Variants in SP100 observed in about 807,000 individuals in gnomAD.
SP100 encodes nuclear autoantigen Sp-100.
In SP100, 84 loss-of-function variants were observed where a neutral mutation model predicts 130.0. The ratio of observed to expected loss-of-function variants is 0.65; its 90% CI spans 0.54 to 0.77. The LOEUF (loss-of-function observed/expected upper bound fraction) is 0.77. Among genes scored for constraint, SP100 ranks in the 30% least tolerant of loss-of-function variants. The pLI is 0.00. For missense variants in SP100, 978 were observed against 1,052.2 expected (o/e 0.93, Z 0.97); for synonymous variants, 331 against 351.7 (o/e 0.94, Z 0.66).
At chr2:230,423,472 C>A (rs1008747410) in intron 2 of SP100, among the ~76,000 whole-genome samples, 1 of 151,864 alleles carries the variant, frequency 6.6e-6, no homozygotes, top group African/African-American at 2.4e-5. Context: ...CTCTTATTTT[C>A]TGTTTGAGAT....
intron 24 of SP100, among the ~76,000 whole-genome samples, chr2:230,521,832 C>T (rs1162866366): frequency 1.3e-5 from 2 of 152,190 alleles, no homozygotes; most frequent in Non-Finnish European, 2.9e-5. Flanking sequence ...AAACCACATT[C>T]CTGATTGCCT....
chr2:230,476,194 G>A (rs1017920060), intron 17 of SP100, among the ~76,000 whole-genome samples: 1 of 152,084 alleles, frequency 6.6e-6, no homozygotes, highest in Admixed American at 6.5e-5. Flanking sequence ...CTATTTATTT[G>A]TGCTATCTCT....
At chr2:230,540,268 G>A (rs1052238423) in intron 25 of SP100, among the ~76,000 whole-genome samples, 1 of 152,184 alleles carries the variant, frequency 6.6e-6, no homozygotes, top group Non-Finnish European at 1.5e-5. Flanking sequence ...CATTGTGCTT[G>A]CCTGATTATC....
At chr2:230,530,489 C>G (rs746320553) in intron 24 of SP100, among the ~76,000 whole-genome samples, 1 of 152,154 alleles carries the variant, frequency 6.6e-6, no homozygotes, top group Non-Finnish European at 1.5e-5. Context: ...AGAAGAAAAC[C>G]TAGGCAATAC....
chr2:230,421,788 C>A (rs11682084), intron 2 of SP100, among the ~76,000 whole-genome samples: 39,923 of 151,856 alleles, frequency 0.26, 5,446 homozygotes, highest in Non-Finnish European at 0.29. Flanking sequence ...TCTCTTTGAT[C>A]CCTTGATTCT....
chr2:230,438,130 T>G (rs1396349248), intron 2 of SP100, among the ~76,000 whole-genome samples: 1 of 152,168 alleles, frequency 6.6e-6, no homozygotes, highest in East Asian at 1.9e-4. Context: ...TTTTCTTAGT[T>G]GTGTCTTTAG....
chr2:230,435,004 T>C (rs1178498357), intron 2 of SP100, among the ~76,000 whole-genome samples: 1 of 152,196 alleles, frequency 6.6e-6, no homozygotes, highest in African/African-American at 2.4e-5. Context: ...GATGTTGTCT[T>C]TTTATTTCTA....
At chr2:230,506,470 A>G in intron 22 of SP100, 25 bp downstream of exon 22, 1 of 1,611,182 alleles carries the variant, frequency 6.2e-7, no homozygotes, top group Non-Finnish European at 8.5e-7. Context: ...GATGGCTGAA[A>G]CCAAGGATTT....
intron 18 of SP100, among the ~76,000 whole-genome samples, chr2:230,494,942 A>G (rs1275574761): frequency 6.6e-6 from 1 of 152,180 alleles, no homozygotes; most frequent in Admixed American, 6.5e-5. Flanking sequence ...ATTCTTATGG[A>G]AGAAGGAATG....
At chr2:230,522,780 C>T (rs1691237990) in intron 24 of SP100, among the ~76,000 whole-genome samples, 1 of 151,186 alleles carries the variant, frequency 6.6e-6, no homozygotes, top group African/African-American at 2.4e-5. Flanking sequence ...GAGCCACTGG[C>T]ACCCAGCCCC....
Position 230,438,704 on chromosome 2 carries a change from G to A in SP100, c.108-4233G>A, listed in dbSNP as rs188915342. ...ACACACACATATGGTATATATATATGTGTATACATGTATATGTGTATATAT... is the reference window on the plus strand; with the variant it reads ...ACACACACATATGGTATATATATATATGTATACATGTATATGTGTATATAT... On this transcript the variant is annotated intron_variant, in intron 2 of 28. Coordinates refer to ENST00000340126, the MANE Select transcript of SP100 (RefSeq NM_001080391.2). Among the ~76,000 whole-genome samples the A allele has an allele frequency of 9.0e-3, 1,330 of 148,274 alleles. 23 individuals carry two copies. The highest frequency in any genetic ancestry group is 0.032 in the African/African-American group (1,272 of 40,082).
intron 6 of SP100, 146 bp downstream of exon 6, chr2:230,449,296 C>A: frequency 1.1e-6 from 1 of 886,218 alleles, no homozygotes; most frequent in Non-Finnish European, 1.9e-6. Flanking sequence ...ATTTAAATAA[C>A]AAGTCCTTAT....
chr2:230,449,306 T>A (rs1472166084), intron 6 of SP100, 156 bp downstream of exon 6: 1 of 842,866 alleles, frequency 1.2e-6, no homozygotes, highest in Non-Finnish European at 2.0e-6. Context: ...CAAGTCCTTA[T>A]CCTCTAGGTT....
rs1211704486 is a variant in SP100, at chr2:230,541,876, G to A, written c.2404-16G>A. On this transcript the variant is annotated splice_polypyrimidine_tract_variant and intron_variant, in intron 27 of 28. Transcript: ENST00000340126. ...GCACTGGGCTGATAGCCTCATTTTG[G>A]TCTTTTACTCAACAGAACAGAGAGG... 6.2e-7 allele frequency: 1 copy of A among 1,610,844 alleles called. No individual in the cohort carries two copies. The highest frequency in any genetic ancestry group is 1.3e-5 in the African/African-American group (1 of 74,742).
At chr2:230,540,854 C>A in intron 25 of SP100, 22 bp from the exon 26 acceptor site, 1 of 1,592,000 alleles carries the variant, frequency 6.3e-7, no homozygotes, top group Admixed American at 1.7e-5. Flanking sequence ...TGCCATTGCT[C>A]ACTTTATGCC....
At chr2:230,426,671 A>AT (rs1487951160) in intron 2 of SP100, among the ~76,000 whole-genome samples, 2 of 152,128 alleles carry the variant, frequency 1.3e-5, no homozygotes, top group Admixed American at 6.5e-5. Flanking sequence ...CTAACATATG[A>AT]TTTTTTTCCT....
At position 230,541,334 on chromosome 2, in the gene SP100, G is replaced by A. The variant is rs1329245636; in HGVS notation, c.2365G>A (p.Asp789Asn). 6.2e-7 allele frequency: 1 copy of A among 1,614,074 alleles called. No individual in the cohort carries two copies. Among genetic ancestry groups the A allele is most frequent in the East Asian group, 2.2e-5 (1 of 44,884 alleles). ...ATTCCTCCTCTTGAAGGTCTACTGT[G>A]ATTCGAAAAGCTGCTTTTTCGCCTC... ...CEFLLLKVYC[D>N]SKSCFFASEP... The change falls in exon 27 of 29, where the codon GAT becomes AAT. Residue 789 changes from aspartate (D) to asparagine (N), a missense_variant. Asp to Asn is a conservative substitution (Grantham distance 23). Coordinates refer to ENST00000340126, the MANE Select transcript of SP100 (RefSeq NM_001080391.2).
intron 25 of SP100, 36 bp downstream of exon 25, chr2:230,539,418 T>A (rs1692076844): frequency 6.9e-7 from 1 of 1,454,952 alleles, no homozygotes; most frequent in South Asian, 1.1e-5. Flanking sequence ...GAGCCCTTCC[T>A]TCTTGTGGTA....
At chr2:230,491,558 T>A (rs570813140) in intron 17 of SP100, among the ~76,000 whole-genome samples, 1 of 152,212 alleles carries the variant, frequency 6.6e-6, no homozygotes, top group Non-Finnish European at 1.5e-5. Context: ...TAGAGATGGA[T>A]GCCACCCTTC....
Sources: allele counts gnomAD v4.1 joint callset (sites outside exome capture counted in the v4.1 genomes callset), GRCh38; gene constraint gnomAD v4.1.1; transcripts MANE v1.5; gene names NCBI Gene and HGNC (gene_info 2026-07-23, HGNC 2026-07-21).